The following ADAMTSL1 variants were observed in gnomAD, a reference collection of about 807,000 sequenced individuals.
ADAMTSL1 encodes the protein ADAMTS like 1, also known as ADAMTS-like protein 1.
In ADAMTSL1, 126 loss-of-function variants were observed where a neutral mutation model predicts 201.8. The observed-to-expected ratio is 0.62, with a 90% CI of 0.54 to 0.72. ADAMTSL1 has a LOEUF of 0.72. ADAMTSL1 is among the 30% of genes least tolerant of loss of function. The probability of loss-of-function intolerance (pLI) is 0.00; values close to 1 mark genes in which losing one functional copy is unlikely to be tolerated. For synonymous variants in ADAMTSL1, 1,121 were observed against 903.4 expected (o/e 1.24, Z -4.32); for missense variants, 2,679 against 2,277.8 (o/e 1.18, Z -3.59).
upstream of ADAMTSL1, among the ~76,000 whole-genome samples, chr9:18,469,783 T>C (rs1821137131): frequency 6.6e-6 from 1 of 152,238 alleles, no homozygotes; most frequent in Non-Finnish European, 1.5e-5. Context: ...CAAAGTGTAG[T>C]AGCTTCTGCC....
chr9:18,795,097 G>T (rs1209137713), intron 19 of ADAMTSL1, among the ~76,000 whole-genome samples: 1 of 152,164 alleles, frequency 6.6e-6, no homozygotes, highest in African/African-American at 2.4e-5. Context: ...GGATATCTGT[G>T]TGTGTTATAT....
At chr9:18,510,693 C>T (rs1486469944) in intron 2 of ADAMTSL1, among the ~76,000 whole-genome samples, 3 of 151,802 alleles carry the variant, frequency 2.0e-5, no homozygotes, top group Non-Finnish European at 2.9e-5. Flanking sequence ...TATTGAGTAA[C>T]TCTTATAATG....
At chr9:18,198,198 G>A (rs1829272822) in intron 2 of ADAMTSL1, among the ~76,000 whole-genome samples, 1 of 151,730 alleles carries the variant, frequency 6.6e-6, no homozygotes, top group South Asian at 2.1e-4. Flanking sequence ...ATAGGCATGG[G>A]CAAGGACTTC....
chr9:18,350,012 T>A (rs539191135), intron 2 of ADAMTSL1, among the ~76,000 whole-genome samples: 1 of 152,034 alleles, frequency 6.6e-6, no homozygotes, highest in East Asian at 1.9e-4. Flanking sequence ...CAATGTGTTG[T>A]TGGCCTGCAG....
chr9:17,995,175 C>G (rs899653121), intron 1 of ADAMTSL1, among the ~76,000 whole-genome samples: 7 of 152,112 alleles, frequency 4.6e-5, no homozygotes, highest in Admixed American at 3.9e-4. Context: ...CCATCTTCCT[C>G]TTCTTAACTA....
intron 3 of ADAMTSL1, among the ~76,000 whole-genome samples, chr9:18,557,277 A>C (rs1821162879): frequency 6.6e-6 from 1 of 151,994 alleles, no homozygotes; most frequent in African/African-American, 2.4e-5. Context: ...AATCTGGGTG[A>C]GAGGAGACTC....
At chr9:18,665,105 A>G (rs1381172342) in intron 9 of ADAMTSL1, among the ~76,000 whole-genome samples, 1 of 152,004 alleles carries the variant, frequency 6.6e-6, no homozygotes, top group Non-Finnish European at 1.5e-5. Context: ...TAACTATCCT[A>G]AGATTGCAAG....
chr9:18,112,440 G>A (rs1001996265), intron 1 of ADAMTSL1, among the ~76,000 whole-genome samples: 1 of 151,628 alleles, frequency 6.6e-6, no homozygotes, highest in East Asian at 1.9e-4. Context: ...CTGAGACTCA[G>A]TTGCCCATAA....
chr9:18,157,544 C>T (rs139294891), intron 1 of ADAMTSL1, among the ~76,000 whole-genome samples: 38 of 152,072 alleles, frequency 2.5e-4, no homozygotes, highest in African/African-American at 8.0e-4. Context: ...AAATCAGACC[C>T]GAACTAAGCA....
chr9:18,796,301 A>G (rs1323481912), intron 20 of ADAMTSL1, among the ~76,000 whole-genome samples: 1 of 152,166 alleles, frequency 6.6e-6, no homozygotes, highest in Non-Finnish European at 1.5e-5. Flanking sequence ...TGGCGGGGGA[A>G]GAAGGGAACT....
chr9:18,735,849 C>T (rs767952709), intron 15 of ADAMTSL1, among the ~76,000 whole-genome samples: 1 of 144,450 alleles, frequency 6.9e-6, no homozygotes, highest in Non-Finnish European at 1.5e-5. Flanking sequence ...CTCCTGGGCT[C>T]ATAAAGCTTA....
At chr9:18,004,555 G>A (rs1020526655) in intron 1 of ADAMTSL1, among the ~76,000 whole-genome samples, 2 of 152,034 alleles carry the variant, frequency 1.3e-5, no homozygotes, top group African/African-American at 2.4e-5. Flanking sequence ...GTCACACACA[G>A]GTGTTTGTTA....
chr9:18,250,194 T>C (rs901389902), intron 2 of ADAMTSL1, among the ~76,000 whole-genome samples: 27 of 152,206 alleles, frequency 1.8e-4, no homozygotes, highest in Non-Finnish European at 2.9e-5. Context: ...CTCCAGTCAT[T>C]CTATACATTT....
chr9:17,924,952 T>C (rs1826465148), intron 1 of ADAMTSL1, among the ~76,000 whole-genome samples: 2 of 127,784 alleles, frequency 1.6e-5, no homozygotes, highest in Non-Finnish European at 3.3e-5. Flanking sequence ...CGCAACCCAC[T>C]CATCTGACAA....
chr9:18,533,741 T>G (rs1308049400), intron 3 of ADAMTSL1, among the ~76,000 whole-genome samples: 1 of 152,244 alleles, frequency 6.6e-6, no homozygotes, highest in Non-Finnish European at 1.5e-5. Flanking sequence ...ATATGGTCCC[T>G]GTTTTAAACA....
At chr9:18,491,975 T>C (rs978935620) in intron 1 of ADAMTSL1, among the ~76,000 whole-genome samples, 1 of 152,200 alleles carries the variant, frequency 6.6e-6, no homozygotes, top group Non-Finnish European at 1.5e-5. Context: ...GGCTATCATG[T>C]TTTTGAAGTA....
chr9:18,628,879 G>C (rs1212030238), intron 5 of ADAMTSL1, among the ~76,000 whole-genome samples: 1 of 152,118 alleles, frequency 6.6e-6, no homozygotes, highest in East Asian at 1.9e-4. Context: ...TAGAGATGAG[G>C]TTTCACTATG....
At chr9:18,596,235 T>C (rs894610108) in intron 4 of ADAMTSL1, among the ~76,000 whole-genome samples, 3 of 152,192 alleles carry the variant, frequency 2.0e-5, no homozygotes, top group Non-Finnish European at 4.4e-5. Context: ...TGTTATACCA[T>C]CATGTCTTTA....
At chr9:18,336,919 C>T (rs1399845994) in intron 2 of ADAMTSL1, among the ~76,000 whole-genome samples, 1 of 152,142 alleles carries the variant, frequency 6.6e-6, no homozygotes, top group Non-Finnish European at 1.5e-5. Flanking sequence ...ATAAACCTCA[C>T]TGTGTGCCAG....
Sources: allele counts gnomAD v4.1 joint callset (sites outside exome capture counted in the v4.1 genomes callset), GRCh38; gene constraint gnomAD v4.1.1; transcripts MANE v1.5; gene names NCBI Gene and HGNC (gene_info 2026-07-23, HGNC 2026-07-21).